Variants in TMEM176B observed in about 807,000 individuals in gnomAD.
The protein encoded by TMEM176B is LR8-like protein.
A neutral mutation model predicts 30.3 loss-of-function variants in TMEM176B; 28 were observed. The ratio of observed to expected loss-of-function variants is 0.92; its 90% confidence interval spans 0.68 to 1.27. TMEM176B has a LOEUF of 1.27. TMEM176B is among the 50% of genes most tolerant of loss of function. The pLI is 0.00. For missense variants in TMEM176B, 349 were observed against 327.4 expected (o/e 1.07, Z -0.51); for synonymous variants, 123 against 130.3 (o/e 0.94, Z 0.38).
rs143940127 is a variant in TMEM176B at position 150,791,569 on chromosome 7, G to A, written c.775C>T (p.Pro259Ser). 6.2e-7 allele frequency: 1 copy of A among 1,613,896 alleles called. No homozygotes were observed. Among genetic ancestry groups the A allele is most frequent in the Non-Finnish European group, 8.5e-7 (1 of 1,179,990 alleles). The change falls in exon 7 of 7, where the codon CCC becomes TCC. Residue 259 changes from proline to serine, a missense_variant. Physicochemically the swap from Pro to Ser is moderately conservative, Grantham distance 74 (BLOSUM62 -1). Transcript: ENST00000326442. ...LLGENSVPPS[P>S]SREQTSTAIV... ...GCAGTGGAGGTCTGCTCCCTAGAGG[G>A]CGAAGGGGGCACTGAATTCTCCCCC...
chr7:150,791,954 C>T, intron 6 of TMEM176B, 102 bp downstream of exon 6: 3 of 1,528,766 alleles, frequency 2.0e-6, no homozygotes, highest in Non-Finnish European at 8.9e-7. Flanking sequence ...GGGCACCAGG[C>T]CCAGCCTCAG....
upstream of TMEM176B, chr7:150,801,277 A>G: frequency 2.8e-6 from 1 of 358,408 alleles, no homozygotes; most frequent in Non-Finnish European, 5.0e-6. Flanking sequence ...CCCTGGGAGG[A>G]GGATGAGGGG....
intron 1 of TMEM176B, among the ~76,000 whole-genome samples, chr7:150,797,921 T>C (rs1751124058): frequency 6.6e-6 from 1 of 152,240 alleles, no homozygotes; most frequent in African/African-American, 2.4e-5. Flanking sequence ...GCATTTGCAA[T>C]TTTAGTAGAT....
Position 150,793,167 on chromosome 7 carries a change from G to A in TMEM176B, c.521C>T (p.Thr174Ile), listed in dbSNP as rs899932265. ...CDRSDPVFPT[T>I]GYRWMRRSQE... ...ACTTCGCCGCATCCATCTGTACCCA[G>A]TGGTAGGGAAGACAGGGTCTGAGCG... The change falls in exon 5 of 7, where the codon ACT (threonine) becomes ATT (isoleucine). Residue 174 changes from threonine (T) to isoleucine (I), a missense_variant. By Grantham distance (89) the Thr-to-Ile change is moderately conservative (BLOSUM62 -1). Coordinates refer to ENST00000326442, the MANE Select transcript of TMEM176B (RefSeq NM_001101312.2). 2 of 1,614,106 alleles carry A rather than the reference G, an allele frequency of 1.2e-6. No individual in the cohort carries two copies. The highest frequency in any genetic ancestry group is 2.7e-5 in the African/African-American group (2 of 74,938).
chr7:150,792,072 T>C lies in TMEM176B; in HGVS notation c.704A>G (p.Gln235Arg), dbSNP rs762868592. ...LGVGLRNLCG[Q>R]SSQPLNEEGS... ...ACAACTCACCAGGGGCTGGGAGCTCTGGCCACACAAGTTTCGAAGACCTAC... is the reference window on the plus strand; with the variant it reads ...ACAACTCACCAGGGGCTGGGAGCTCCGGCCACACAAGTTTCGAAGACCTAC... The change falls in exon 6 of 7, where the codon CAG (glutamine) becomes CGG (arginine). Residue 235 changes from glutamine (Q) to arginine (R), a missense_variant. Transcript: ENST00000326442. 3.7e-6 allele frequency: 6 copies of C among 1,613,720 alleles called. No individual in the cohort carries two copies. In the East Asian group the frequency reaches 1.3e-4, roughly 36 times the overall value.
chr7:150,796,496 A>T lies in TMEM176B; in HGVS notation c.74T>A (p.Val25Asp). ...SRPSQPTHVN[V>D]HIHQESALTQ... ...CAAAGCTGACTCCTGGTGGATGTGG[A>T]CGTTGACGTGGGTGGGCTGGGATGG... is the stretch of plus-strand genomic sequence containing the variant. Residue 25 changes from valine to aspartate, a missense_variant, in exon 2 of 7, where the codon GTC becomes GAC. Physicochemically the swap from Val to Asp is radical, Grantham distance 152. Transcript: ENST00000326442. 6.2e-7 allele frequency: 1 copy of T among 1,614,186 alleles called. No individual in the cohort carries two copies. The highest frequency in any genetic ancestry group is 8.5e-7 in the Non-Finnish European group (1 of 1,180,022).
intron 1 of TMEM176B, 180 bp from the exon 2 acceptor site, chr7:150,796,754 T>A: frequency 1.6e-6 from 1 of 619,204 alleles, no homozygotes; most frequent in Non-Finnish European, 2.8e-6. Flanking sequence ...AGGTCAGGAG[T>A]TCAAGACCAG....
chr7:150,796,528 G>T lies in TMEM176B; in HGVS notation c.42C>A (p.Ala14=), dbSNP rs752871176. ...NTVIVNGVAM[A]SRPSQPTHVN... ...CGTGGGTGGGCTGGGATGGCCTAGA[G>T]GCCATAGCAACTCCATTCACAATCA... The change falls in exon 2 of 7, where the codon GCC becomes GCA. Residue 14 remains alanine (A), a synonymous_variant. Coordinates refer to ENST00000326442, the MANE Select transcript of TMEM176B (RefSeq NM_001101312.2). 6.2e-7 allele frequency: 1 copy of T among 1,614,186 alleles called. No individual in the cohort carries two copies. Among genetic ancestry groups the T allele is most frequent in the Non-Finnish European group, 8.5e-7 (1 of 1,180,034 alleles).
At chr7:150,798,554 C>T (rs932540033) in intron 1 of TMEM176B, among the ~76,000 whole-genome samples, 6 of 152,012 alleles carry the variant, frequency 3.9e-5, no homozygotes, top group Non-Finnish European at 7.4e-5. Flanking sequence ...AGATTACAGG[C>T]GTGAGCCACC....
At chr7:150,791,728 A>T (rs1211740951) in intron 6 of TMEM176B, 105 bp from the exon 7 acceptor site, 1 of 1,087,486 alleles carries the variant, frequency 9.2e-7, no homozygotes, top group Non-Finnish European at 1.3e-6. Context: ...GGAAAGGAAA[A>T]GGTGACAGGA....
At position 150,792,159 on chromosome 7, in the gene TMEM176B, A is replaced by G. The variant is rs199899772; in HGVS notation, c.617T>C (p.Ile206Thr). 1.3e-4 allele frequency: 206 copies of G among 1,613,778 alleles called. No individual in the cohort carries two copies. In the Middle Eastern group the frequency reaches 3.5e-3, roughly 27 times the overall value. The part of the protein sequence containing the change: ...MQMLRKLFTA[I>T]RALFLAVCVL... ...ACAGACAGCCAGGAACAGGGCACGG[A>G]TTGCTGTGAACAACTTCTGGAGATA... The change falls in exon 6 of 7, where the codon ATC (isoleucine) becomes ACC (threonine). Residue 206 changes from isoleucine to threonine, a missense_variant. Coordinates refer to ENST00000326442, the MANE Select transcript of TMEM176B (RefSeq NM_001101312.2).
At chr7:150,799,629 G>A (rs2116717459) in intron 1 of TMEM176B, among the ~76,000 whole-genome samples, 1 of 152,358 alleles carries the variant, frequency 6.6e-6, no homozygotes, top group East Asian at 1.9e-4. Context: ...CTTGGGGTTA[G>A]AAAGGACAGG....
rs2302480 is a variant in TMEM176B at position 150,791,407 on chromosome 7, G to A, written c.*124C>T. The A allele has an allele frequency of 0.15, 101,366 of 690,160 alleles. 7,936 individuals carry two copies. The highest frequency in any genetic ancestry group is 0.18 in the African/African-American group (9,984 of 55,734). 42.8% of individuals were successfully genotyped at this position (690,160 alleles called of 1,614,324 possible). Reference sequence around the variant, plus strand: ...AGTGGGAACAGCAGGTGCGGATGTGGGGAGAAGAAAGGAGGAGGGTCTGGA... The same window carrying A: ...AGTGGGAACAGCAGGTGCGGATGTGAGGAGAAGAAAGGAGGAGGGTCTGGA... On this transcript the variant is annotated 3_prime_UTR_variant, in exon 7 of 7. Coordinates refer to ENST00000326442, the MANE Select transcript of TMEM176B (RefSeq NM_001101312.2).
upstream of TMEM176B, chr7:150,801,108 C>A: frequency 2.0e-6 from 1 of 496,366 alleles, no homozygotes; most frequent in Non-Finnish European, 2.6e-6. Context: ...ATCCGGAGCG[C>A]AGCCGGGGCG....
chr7:150,794,191 C>T (rs1193607431), intron 2 of TMEM176B, 120 bp from the exon 3 acceptor site: 1 of 635,556 alleles, frequency 1.6e-6, no homozygotes, highest in Non-Finnish European at 2.8e-6. Context: ...CTGCCTTGAC[C>T]TCTCTGCAGC....
chr7:150,800,855 C>T (rs979387738), upstream of TMEM176B: 26 of 948,384 alleles, frequency 2.7e-5, no homozygotes, highest in African/African-American at 3.5e-5. Flanking sequence ...CTCCCGGCGG[C>T]CCCCGGGCCT....
intron 5 of TMEM176B, 27 bp downstream of exon 5, chr7:150,793,061 C>A (rs1370962057): frequency 6.2e-7 from 1 of 1,611,388 alleles, no homozygotes; most frequent in Non-Finnish European, 8.5e-7. Context: ...GTGATGGGTC[C>A]CCGAAGACTG....
chr7:150,800,231 G>A (rs1225039453), intron 1 of TMEM176B, 67 bp downstream of exon 1: 1 of 152,406 alleles, frequency 6.6e-6, no homozygotes, highest in African/African-American at 2.4e-5. Context: ...GCATGGCCCT[G>A]GGGACTCCTC....
chr7:150,800,181 T>C, intron 1 of TMEM176B, 117 bp downstream of exon 1: 1 of 152,332 alleles, frequency 6.6e-6, no homozygotes, highest in East Asian at 1.9e-4. Context: ...GAAACCAGGT[T>C]GGAGGAAGAA....
Sources: allele counts gnomAD v4.1 joint callset (sites outside exome capture counted in the v4.1 genomes callset), GRCh38; gene constraint gnomAD v4.1.1; transcripts MANE v1.5; gene names NCBI Gene and HGNC (gene_info 2026-07-23, HGNC 2026-07-21).